The following HTR1F variants were observed in gnomAD, a reference collection of about 807,000 sequenced individuals.
The protein encoded by HTR1F is 5-hydroxytryptamine receptor 1F, also known as 5-hydroxytryptamine (serotonin) receptor 1F, G protein-coupled.
A neutral mutation model predicts 24.0 loss-of-function variants in HTR1F; 17 were observed. The ratio of observed to expected loss-of-function variants is 0.71; its 90% CI spans 0.48 to 1.06. The LOEUF (loss-of-function observed/expected upper bound fraction) is 1.06, where lower values mean the gene tolerates loss of function less well. Among genes scored for constraint, HTR1F ranks in the 50% least tolerant of loss-of-function variants. The pLI, the probability that HTR1F is intolerant of heterozygous loss-of-function variation, is 0.00. For missense variants in HTR1F, 391 were observed against 427.8 expected (o/e 0.91, Z 0.76); for synonymous variants, 186 against 156.8 (o/e 1.19, Z -1.39).
chr3:87,889,741 T>C (rs1706037974), intron 2 of HTR1F, among the ~76,000 whole-genome samples: 1 of 152,190 alleles, frequency 6.6e-6, no homozygotes, highest in Admixed American at 6.5e-5. Context: ...TTATTTAATG[T>C]CTGGAAACCT....
At chr3:87,945,238 C>G (rs528496954) in intron 2 of HTR1F, among the ~76,000 whole-genome samples, 1 of 152,052 alleles carries the variant, frequency 6.6e-6, no homozygotes, top group East Asian at 1.9e-4. Context: ...GAGCTGTACA[C>G]CTAAATCGGG....
chr3:87,930,800 T>C (rs1180099184), intron 2 of HTR1F, among the ~76,000 whole-genome samples: 2 of 152,176 alleles, frequency 1.3e-5, no homozygotes, highest in Non-Finnish European at 2.9e-5. Context: ...TATATACATA[T>C]GAGCTACTAC....
At chr3:87,907,113 C>G (rs192566123) in intron 2 of HTR1F, among the ~76,000 whole-genome samples, 157 of 152,086 alleles carry the variant, frequency 1.0e-3, no homozygotes, top group Non-Finnish European at 1.6e-3. Flanking sequence ...AATCTCCATA[C>G]TGTTTTTCAT....
intron 2 of HTR1F, 127 bp from the exon 3 acceptor site, chr3:87,990,581 C>G: frequency 1.9e-6 from 1 of 534,988 alleles, no homozygotes; most frequent in South Asian, 3.4e-5. Flanking sequence ...TCAATCTGAA[C>G]CTCATTTTTT....
rs570861352 is a variant in HTR1F at position 87,878,332 on chromosome 3, C to T, written c.-43+56208C>T. Among the ~76,000 whole-genome samples, 5 of 152,194 alleles carry T rather than the reference C, an allele frequency of 3.3e-5. No individual in the cohort carries two copies. The South Asian group carries it at 1.0e-3, about 32-fold the overall frequency. On this transcript the variant is annotated intron_variant, in intron 2 of 2. Coordinates refer to ENST00000319595, the MANE Select transcript of HTR1F (RefSeq NM_001322209.2). ...CTGCAACAGTGTCCAGAGCAGCAAT[C>T]CCAGAAGAAGCCTGGTAGACCCAGG...
At chr3:87,951,541 A>G (rs1704833396) in intron 2 of HTR1F, among the ~76,000 whole-genome samples, 1 of 152,126 alleles carries the variant, frequency 6.6e-6, no homozygotes, top group African/African-American at 2.4e-5. Context: ...ATTGATTGGA[A>G]GTTACAGAAA....
intron 2 of HTR1F, among the ~76,000 whole-genome samples, chr3:87,894,033 GT>G (rs1278845933): frequency 6.7e-6 from 1 of 150,206 alleles, no homozygotes; most frequent in African/African-American, 2.5e-5. Context: ...ATTTCCATAG[GT>G]TTTGGGGGGA....
chr3:87,817,989 T>A (rs1704282079), intron 1 of HTR1F, among the ~76,000 whole-genome samples: 1 of 151,932 alleles, frequency 6.6e-6, no homozygotes, highest in African/African-American at 2.4e-5. Context: ...AATGGCACTC[T>A]ACAATTTTAA....
chr3:87,930,450 T>C (rs1239575578), intron 2 of HTR1F, among the ~76,000 whole-genome samples: 1 of 152,214 alleles, frequency 6.6e-6, no homozygotes, highest in Non-Finnish European at 1.5e-5. Context: ...TGTTTTGAGG[T>C]ATGTTCCTGC....
chr3:87,941,889 C>T (rs1704577650), intron 2 of HTR1F, among the ~76,000 whole-genome samples: 1 of 152,060 alleles, frequency 6.6e-6, no homozygotes, highest in African/African-American at 2.4e-5. Context: ...TTCTGTACTC[C>T]TAAAATTGGA....
chr3:87,915,885 A>G (rs1014901806), intron 2 of HTR1F, among the ~76,000 whole-genome samples: 1 of 152,170 alleles, frequency 6.6e-6, no homozygotes, highest in African/African-American at 2.4e-5. Context: ...CAAAAATATT[A>G]TCACCTAGCC....
intron 2 of HTR1F, among the ~76,000 whole-genome samples, chr3:87,881,173 A>G (rs1220184058): frequency 6.6e-6 from 1 of 152,208 alleles, no homozygotes; most frequent in Admixed American, 6.5e-5. Context: ...TCCATTTCCT[A>G]GCTAAGGGAA....
chr3:87,878,374 A>G (rs1281970663), intron 2 of HTR1F, among the ~76,000 whole-genome samples: 2 of 152,210 alleles, frequency 1.3e-5, no homozygotes, highest in African/African-American at 4.8e-5. Context: ...ATGCTAAATC[A>G]TTTTATGTAT....
chr3:87,841,405 C>G (rs1466299888), intron 2 of HTR1F, among the ~76,000 whole-genome samples: 3 of 151,790 alleles, frequency 2.0e-5, no homozygotes, highest in Non-Finnish European at 4.4e-5. Context: ...AGCGAATATT[C>G]TTTTTTACTT....
chr3:87,915,358 C>G (rs561473797), intron 2 of HTR1F, among the ~76,000 whole-genome samples: 3 of 152,180 alleles, frequency 2.0e-5, no homozygotes, highest in African/African-American at 7.2e-5. Flanking sequence ...GAAGAAACCC[C>G]TGAATTACCT....
intron 2 of HTR1F, among the ~76,000 whole-genome samples, chr3:87,990,003 T>C (rs9861809): frequency 0.57 from 86,318 of 152,042 alleles, 25,156 homozygotes; most frequent in South Asian, 0.73. Context: ...GGCCTTCTTC[T>C]GGAGCCTCAG....
intron 2 of HTR1F, among the ~76,000 whole-genome samples, chr3:87,946,351 C>A (rs1704704727): frequency 6.6e-6 from 1 of 152,002 alleles, no homozygotes; most frequent in Non-Finnish European, 1.5e-5. Context: ...AGCTCCCATA[C>A]AAAGGGAGGG....
chr3:87,804,872 G>T (rs988256415), intron 1 of HTR1F, among the ~76,000 whole-genome samples: 1 of 152,002 alleles, frequency 6.6e-6, no homozygotes, highest in Admixed American at 6.6e-5. Flanking sequence ...CTAAAGATCT[G>T]TTGGACATTT....
chr3:87,942,537 G>C (rs1267456714), intron 2 of HTR1F, among the ~76,000 whole-genome samples: 1 of 152,178 alleles, frequency 6.6e-6, no homozygotes, highest in Non-Finnish European at 1.5e-5. Flanking sequence ...TGTCCCCTGG[G>C]GCAGTGGGCC....
Sources: allele counts gnomAD v4.1 joint callset (sites outside exome capture counted in the v4.1 genomes callset), GRCh38; gene constraint gnomAD v4.1.1; transcripts MANE v1.5; gene names NCBI Gene and HGNC (gene_info 2026-07-23, HGNC 2026-07-21).